The following TNS3 variants were observed in gnomAD, a reference collection of about 807,000 sequenced individuals.
TNS3 encodes the protein tensin-3.
In TNS3, 45 loss-of-function variants were observed where a neutral mutation model predicts 140.9. The ratio of observed to expected loss-of-function variants is 0.32; its 90% CI spans 0.25 to 0.41. The LOEUF is 0.41. Ranked by LOEUF, TNS3 falls within the 10% of genes least tolerant of loss-of-function variation. The probability of loss-of-function intolerance (pLI) is 1.00; values close to 1 mark genes in which losing one functional copy is unlikely to be tolerated. For synonymous variants in TNS3, 815 were observed against 788.4 expected, an observed-to-expected ratio of 1.03 and a Z score of -0.56; for missense variants, 1,716 against 1,906.7, an observed-to-expected ratio of 0.90 and a Z score of 1.86.
At chr7:47,292,107 T>C in intron 26 of TNS3, 75 bp from the exon 27 acceptor site, 8 of 1,442,176 alleles carry the variant, frequency 5.5e-6, no homozygotes, top group Non-Finnish European at 7.7e-6. Flanking sequence ...AGTTAGACAA[T>C]TTGATGACAG....
chr7:47,303,131 C>T lies in TNS3; in HGVS notation c.3276G>A (p.Leu1092=). ...TCTCAGGGAGGGGTGGCTGCCCGGGCAGGGTCACACCCTGGCCCTGCAGGC... is the reference window on the plus strand; with the variant it reads ...TCTCAGGGAGGGGTGGCTGCCCGGGTAGGGTCACACCCTGGCCCTGCAGGC... The part of the protein sequence containing the change: ...SPGLQGQGVT[L]PGQPPLPEKK... The change falls in exon 22 of 31, where the codon CTG becomes CTA. Residue 1092 remains leucine (L), a synonymous_variant. Coordinates refer to ENST00000311160, the MANE Select transcript of TNS3 (RefSeq NM_022748.12). The T allele has an allele frequency of 6.2e-7, 1 of 1,613,968 alleles. No homozygotes were observed. The highest frequency in any genetic ancestry group is 1.1e-5 in the South Asian group (1 of 91,076).
chr7:47,280,139 ATG>A, intron 30 of TNS3, 23 bp downstream of exon 30: 1 of 1,613,960 alleles, frequency 6.2e-7, no homozygotes, highest in Non-Finnish European at 8.5e-7. Flanking sequence ...CAAGGAGAGA[ATG>A]TAAAGAAATC....
At chr7:47,477,934 T>G (rs1797255634) in intron 4 of TNS3, among the ~76,000 whole-genome samples, 1 of 152,056 alleles carries the variant, frequency 6.6e-6, no homozygotes, top group Non-Finnish European at 1.5e-5. Context: ...GGCTGCCACG[T>G]CCATCCTTCC....
At chr7:47,484,521 G>A (rs768665116) in intron 3 of TNS3, among the ~76,000 whole-genome samples, 4 of 152,166 alleles carry the variant, frequency 2.6e-5, no homozygotes, top group South Asian at 2.1e-4. Flanking sequence ...TGCTCATACC[G>A]GCCTGCTCAG....
chr7:47,494,711 G>T (rs1797935396), intron 3 of TNS3, among the ~76,000 whole-genome samples: 1 of 152,192 alleles, frequency 6.6e-6, no homozygotes, highest in South Asian at 2.1e-4. Context: ...GAAATGCCTA[G>T]AAACACACAA....
chr7:47,331,067 A>G lies in TNS3; in HGVS notation c.2650+13688T>C, dbSNP rs149481707. Among the ~76,000 whole-genome samples, 1,148 of 152,300 alleles carry G rather than the reference A, an allele frequency of 7.5e-3. 13 individuals carry two copies. Among genetic ancestry groups the G allele is most frequent in the African/African-American group, 0.025 (1,029 of 41,552 alleles). On this transcript the variant is annotated intron_variant, in intron 20 of 30. Coordinates refer to ENST00000311160, the MANE Select transcript of TNS3 (RefSeq NM_022748.12). ...CCTTTGAGGACTGGGCACATGACTT[A>G]GCAAAGGAACTTCAGATGCTTTATG...
At chr7:47,570,208 G>T (rs1433873003) in intron 1 of TNS3, among the ~76,000 whole-genome samples, 1 of 152,228 alleles carries the variant, frequency 6.6e-6, no homozygotes, top group African/African-American at 2.4e-5. Flanking sequence ...AGTGCTGGTG[G>T]CTCTGCATCA....
At chr7:47,539,924 G>A (rs925249732) in intron 1 of TNS3, among the ~76,000 whole-genome samples, 12 of 152,140 alleles carry the variant, frequency 7.9e-5, no homozygotes, top group Non-Finnish European at 1.8e-4. Context: ...GAAGTAAGCT[G>A]TAGCTGAGGG....
At chr7:47,519,827 T>TC (rs1798907263) in intron 2 of TNS3, among the ~76,000 whole-genome samples, 1 of 136,940 alleles carries the variant, frequency 7.3e-6, no homozygotes, top group Admixed American at 7.3e-5. Context: ...TTTTTTTTTT[T>TC]TTTTTTTTTT....
intron 17 of TNS3, among the ~76,000 whole-genome samples, chr7:47,347,231 G>T (rs1451270062): frequency 6.6e-6 from 1 of 152,200 alleles, no homozygotes; most frequent in Non-Finnish European, 1.5e-5. Context: ...GATGGAGTTT[G>T]ATTCATAAAC....
intron 4 of TNS3, chr7:47,453,084 G>C (rs1351544816): frequency 1.0e-6 from 1 of 985,496 alleles, no homozygotes. Flanking sequence ...GAGGCAGCTG[G>C]AATAGCCCAC....
intron 2 of TNS3, among the ~76,000 whole-genome samples, chr7:47,511,001 GT>G (rs1336409223): frequency 6.6e-6 from 1 of 152,148 alleles, no homozygotes. Context: ...ACATTTAGAA[GT>G]TCTGCGAAAT....
At chr7:47,412,003 T>A (rs1419113209) in intron 12 of TNS3, among the ~76,000 whole-genome samples, 1 of 152,130 alleles carries the variant, frequency 6.6e-6, no homozygotes, top group African/African-American at 2.4e-5. Flanking sequence ...CCTCATAGCA[T>A]CATCATGGTC....
intron 1 of TNS3, among the ~76,000 whole-genome samples, chr7:47,569,645 T>G (rs1223214313): frequency 5.4e-5 from 8 of 149,158 alleles, no homozygotes; most frequent in African/African-American, 2.0e-4. Context: ...CCTGAGATCA[T>G]GAGTTCGAGA....
chr7:47,434,345 A>G (rs1795073653), intron 8 of TNS3, among the ~76,000 whole-genome samples: 1 of 152,122 alleles, frequency 6.6e-6, no homozygotes, highest in African/African-American at 2.4e-5. Flanking sequence ...TGAACCGTCA[A>G]CACTTCCTAG....
chr7:47,355,815 T>G (rs966030351), intron 17 of TNS3, among the ~76,000 whole-genome samples: 2 of 152,134 alleles, frequency 1.3e-5, no homozygotes, highest in Non-Finnish European at 2.9e-5. Flanking sequence ...AGACTGATCT[T>G]TGCCAGCGCA....
At chr7:47,296,350 G>A (rs182170746) in intron 24 of TNS3, among the ~76,000 whole-genome samples, 90 of 152,332 alleles carry the variant, frequency 5.9e-4, no homozygotes, top group African/African-American at 2.2e-3. Context: ...CTTTTGCACT[G>A]TTGGTGAGAG....
chr7:47,581,180 C>A (rs934634934), intron 1 of TNS3, among the ~76,000 whole-genome samples: 3 of 152,088 alleles, frequency 2.0e-5, no homozygotes, highest in Non-Finnish European at 4.4e-5. Flanking sequence ...ACCCGGGACT[C>A]ACATGTCAGG....
At chr7:47,470,873 C>T (rs575066008) in intron 4 of TNS3, among the ~76,000 whole-genome samples, 1 of 152,264 alleles carries the variant, frequency 6.6e-6, no homozygotes, top group African/African-American at 2.4e-5. Flanking sequence ...ATCCAACCCA[C>T]CACTTTCAAA....
Sources: allele counts gnomAD v4.1 joint callset (sites outside exome capture counted in the v4.1 genomes callset), GRCh38; gene constraint gnomAD v4.1.1; transcripts MANE v1.5; gene names NCBI Gene and HGNC (gene_info 2026-07-23, HGNC 2026-07-21).